The following TMEM132B variants were observed in gnomAD, a reference collection of about 807,000 sequenced individuals.
The protein encoded by TMEM132B is transmembrane protein 132B.
In TMEM132B, 18 loss-of-function variants were observed where a neutral mutation model predicts 90.8. The ratio of observed to expected loss-of-function variants is 0.20; its 90% CI spans 0.14 to 0.29. The LOEUF is 0.29. TMEM132B is among the 10% of genes least tolerant of loss of function. The pLI is 1.00. For synonymous variants in TMEM132B, 504 were observed against 523.3 expected (o/e 0.96, Z 0.50); for missense variants, 1,096 against 1,326.8 (o/e 0.83, Z 2.70).
In TMEM132B at chr12:125,657,984, C is replaced by G. The variant is rs34437405; in HGVS notation, c.*3274C>G. 18,251 of 152,316 alleles carry G rather than the reference C, an allele frequency of 0.12. 1,490 individuals are homozygous for G. Among genetic ancestry groups the G allele is most frequent in the South Asian group, 0.23 (1,097 of 4,822 alleles). 9.4% of individuals were successfully genotyped at this position (152,316 alleles called of 1,614,324 possible). A position where few individuals can be genotyped will look rare whatever the true frequency, so the allele number is the denominator to read the frequency against. ...ACCAAAGAACTGATGCTTAAACACA[C>G]AGGTGTGTTGCATTTGAGAGAAGGC... On this transcript the variant is annotated 3_prime_UTR_variant, in exon 9 of 9. Transcript: ENST00000682704.
rs1248572961 is a variant in TMEM132B, at chr12:125,659,982, CAG to C, written c.*5274_*5275del. Reference sequence around the variant, plus strand: ...CCCTGGGAACATGGGAGCACTGACACAGAACTCAACTGGTCCAGCCCTTTGGG... The same window carrying C: ...CCCTGGGAACATGGGAGCACTGACACAACTCAACTGGTCCAGCCCTTTGGG... On this transcript the variant is annotated 3_prime_UTR_variant, in exon 9 of 9. Coordinates refer to ENST00000682704, the MANE Select transcript of TMEM132B (RefSeq NM_001366854.1). 2 of 152,352 alleles carry C rather than the reference CAG, an allele frequency of 1.3e-5. No homozygotes were observed. The highest frequency in any genetic ancestry group is 2.9e-5 in the Non-Finnish European group (2 of 68,144). The allele number at this position is 152,352 out of a possible 1,614,324, so 9.4% of individuals were successfully genotyped here. A position where few individuals can be genotyped will look rare whatever the true frequency, so the allele number is the denominator to read the frequency against.
chr12:125,582,988 A>G (rs954514375), intron 4 of TMEM132B, among the ~76,000 whole-genome samples: 1 of 152,196 alleles, frequency 6.6e-6, no homozygotes, highest in Non-Finnish European at 1.5e-5. Flanking sequence ...TTTGGATTTT[A>G]TCTTAAGAAT....
At chr12:125,530,820 C>A (rs772635140) in intron 4 of TMEM132B, among the ~76,000 whole-genome samples, 2 of 152,230 alleles carry the variant, frequency 1.3e-5, no homozygotes, top group African/African-American at 2.4e-5. Context: ...TCCAGTATGA[C>A]CTCATTTAAA....
intron 1 of TMEM132B, among the ~76,000 whole-genome samples, chr12:125,290,288 A>T (rs544969378): frequency 1.3e-5 from 2 of 152,276 alleles, no homozygotes; most frequent in South Asian, 4.1e-4. Context: ...AAACCTTACT[A>T]CCTTCAAAAT....
At chr12:125,231,272 C>A (rs374291332) in intron 1 of TMEM132B, among the ~76,000 whole-genome samples, 13 of 151,802 alleles carry the variant, frequency 8.6e-5, no homozygotes, top group African/African-American at 2.2e-4. Context: ...TCATAAGGAC[C>A]CCAGTCATTG....
At chr12:125,232,028 T>C (rs1873837969) in intron 1 of TMEM132B, among the ~76,000 whole-genome samples, 1 of 152,192 alleles carries the variant, frequency 6.6e-6, no homozygotes, top group Non-Finnish European at 1.5e-5. Context: ...ATACATACTT[T>C]TTTGCACTTT....
At chr12:125,506,507 C>T (rs1010593973) in intron 3 of TMEM132B, among the ~76,000 whole-genome samples, 5 of 151,924 alleles carry the variant, frequency 3.3e-5, no homozygotes, top group African/African-American at 7.3e-5. Context: ...TGGATTTTAT[C>T]CCATGTAAAT....
intron 3 of TMEM132B, among the ~76,000 whole-genome samples, chr12:125,517,326 G>GGTTTTTTTTTT (rs1566060662): frequency 1.1e-5 from 1 of 88,032 alleles, no homozygotes. Flanking sequence ...ATGCCCTGCT[G>GGTTTTTTTTTT]ATTTTTTTTT....
At chr12:125,378,558 C>T (rs751008281) in intron 2 of TMEM132B, among the ~76,000 whole-genome samples, 31 of 152,154 alleles carry the variant, frequency 2.0e-4, no homozygotes, top group Non-Finnish European at 3.4e-4. Flanking sequence ...TGTCTGGATT[C>T]CAAGAAGCAA....
chr12:125,393,781 T>C (rs1056439462), intron 2 of TMEM132B, among the ~76,000 whole-genome samples: 1 of 152,192 alleles, frequency 6.6e-6, no homozygotes, highest in East Asian at 1.9e-4. Flanking sequence ...AAGTGAATTA[T>C]AGTGATATGG....
rs983279942 is a variant in TMEM132B, at chr12:125,246,076, G to A, written c.67+59210G>A. 6.6e-6 allele frequency among the ~76,000 whole-genome samples: 1 copy of A among 152,240 alleles called. No homozygotes were observed. Among genetic ancestry groups the A allele is most frequent in the African/African-American group, 2.4e-5 (1 of 41,458 alleles). ...ATGGGCAGAGCCATTCCACTGACCA[G>A]TGGGGATTGATCTGGGCCCTGGCAG... On this transcript the variant is annotated intron_variant, in intron 1 of 8. Transcript: ENST00000682704. This position sits in a 1 kb window ranked among gnomAD's most constrained non-coding sequence, Gnocchi z 4.2.
chr12:125,325,261 C>T lies in TMEM132B; in HGVS notation c.68-24191C>T, dbSNP rs573691641. Among the ~76,000 whole-genome samples, 16 of 152,236 alleles carry T rather than the reference C, an allele frequency of 1.1e-4. No individual in the cohort carries two copies. The South Asian group carries it at 3.3e-3, about 32-fold the overall frequency. On this transcript the variant is annotated intron_variant, in intron 1 of 8. Transcript: ENST00000682704. Reference sequence around the variant, plus strand: ...CACAGCATCCCAGCTGACAGGAAACCTTTTGAATTCTCATCAAAACAGGAG... The same window carrying T: ...CACAGCATCCCAGCTGACAGGAAACTTTTTGAATTCTCATCAAAACAGGAG...
chr12:125,354,281 G>A (rs1056796717), intron 2 of TMEM132B, among the ~76,000 whole-genome samples: 1 of 152,200 alleles, frequency 6.6e-6, no homozygotes, highest in Non-Finnish European at 1.5e-5. Context: ...AGCCCATAGA[G>A]GTGTGCCTTA....
intron 3 of TMEM132B, among the ~76,000 whole-genome samples, chr12:125,484,159 C>T (rs985424332): frequency 3.3e-5 from 5 of 152,154 alleles, no homozygotes; most frequent in East Asian, 1.9e-4. Context: ...CTTGGCCCCC[C>T]GAAGTGCTGG....
chr12:125,424,685 A>G (rs1880263359), intron 3 of TMEM132B, among the ~76,000 whole-genome samples: 1 of 152,218 alleles, frequency 6.6e-6, no homozygotes, highest in Non-Finnish European at 1.5e-5. Context: ...TGAGCCCCTC[A>G]GTGGTTAGGG....
chr12:125,609,597 T>C (rs1009888706), intron 5 of TMEM132B, among the ~76,000 whole-genome samples: 6 of 151,568 alleles, frequency 4.0e-5, no homozygotes, highest in African/African-American at 1.5e-4. Flanking sequence ...AGGCAGATCA[T>C]GAGGTCAGGA....
At chr12:125,270,134 G>T (rs547622701) in intron 1 of TMEM132B, among the ~76,000 whole-genome samples, 1 of 151,782 alleles carries the variant, frequency 6.6e-6, no homozygotes, top group East Asian at 1.9e-4. Flanking sequence ...GTGTGTGTGT[G>T]TGTGTGTGTG....
intron 3 of TMEM132B, among the ~76,000 whole-genome samples, chr12:125,517,607 C>T (rs2615666): frequency 0.47 from 72,002 of 151,916 alleles, 20,767 homozygotes; most frequent in East Asian, 0.85. Flanking sequence ...TGTTTGCCCA[C>T]GGGAGCCCCT....
intron 3 of TMEM132B, among the ~76,000 whole-genome samples, chr12:125,481,124 A>T (rs920963508): frequency 1.3e-5 from 2 of 152,240 alleles, no homozygotes; most frequent in African/African-American, 4.8e-5. Context: ...GATAAGAGCT[A>T]TTTATGACAA....
Sources: gnomAD v4.1 joint callset for allele counts (sites outside exome capture counted in the v4.1 genomes callset) on GRCh38, gnomAD v4.1.1 for gene constraint, Gnocchi (gnomAD v3.1) non-coding constraint, MANE v1.5 for transcripts, NCBI Gene and HGNC (gene_info 2026-07-23, HGNC 2026-07-21) for gene names.